The following SMYD3 variants were observed in gnomAD, a reference collection of about 807,000 sequenced individuals.
SMYD3 encodes the protein histone-lysine N-methyltransferase SMYD3.
SMYD3 carries 36 observed loss-of-function variants against 57.7 expected under a neutral mutation model. That is an observed-to-expected ratio of 0.62 (90% CI 0.48 to 0.82). SMYD3 has a LOEUF of 0.82. Ranked by LOEUF, SMYD3 falls within the 40% of genes least tolerant of loss-of-function variation. The probability of loss-of-function intolerance (pLI) is 0.00; values close to 1 mark genes in which losing one functional copy is unlikely to be tolerated. For missense variants in SMYD3, 515 were observed against 538.8 expected (o/e 0.96, Z 0.44); for synonymous variants, 211 against 195.0 (o/e 1.08, Z -0.68).
At chr1:246,174,587 C>T (rs1207161946) in intron 5 of SMYD3, among the ~76,000 whole-genome samples, 1 of 152,202 alleles carries the variant, frequency 6.6e-6, no homozygotes, top group Admixed American at 6.5e-5. Flanking sequence ...GCTGGGACTA[C>T]AGGCACATGC....
chr1:246,086,299 C>T lies in SMYD3; in HGVS notation c.532-156362G>A, dbSNP rs375248318. On this transcript the variant is annotated intron_variant, in intron 5 of 11. Transcript: ENST00000490107. ...CGAAGCTAACGCACTGTTTCACCTG[C>T]TTCAAGTGAATCTTTCTGTGATAAA... Among the ~76,000 whole-genome samples, 85 of 99,738 alleles carry T rather than the reference C, an allele frequency of 8.5e-4. 2 individuals carry two copies. The highest frequency in any genetic ancestry group is 3.0e-3 in the African/African-American group (75 of 25,296). 65.4% of individuals were successfully genotyped at this position (99,738 alleles called of 152,430 possible). A position where few individuals can be genotyped will look rare whatever the true frequency, so the allele number is the denominator to read the frequency against.
At chr1:246,339,163 T>C (rs920414417) in intron 2 of SMYD3, among the ~76,000 whole-genome samples, 7 of 152,156 alleles carry the variant, frequency 4.6e-5, no homozygotes, top group African/African-American at 1.7e-4. Flanking sequence ...ATTACTCAAT[T>C]AAAGCCATAT....
At chr1:245,827,148 G>A (rs1435637719) in intron 10 of SMYD3, among the ~76,000 whole-genome samples, 4 of 152,208 alleles carry the variant, frequency 2.6e-5, no homozygotes, top group Non-Finnish European at 5.9e-5. Flanking sequence ...CTGTAGATGA[G>A]AAAGTTGAGG....
chr1:246,394,264 T>C (rs960227), intron 1 of SMYD3, among the ~76,000 whole-genome samples: 58,632 of 152,092 alleles, frequency 0.39, 11,574 homozygotes, highest in East Asian at 0.49. Flanking sequence ...GGAATGTAAG[T>C]ATTCATTTCC....
chr1:246,275,789 G>A (rs1223976445), intron 5 of SMYD3, among the ~76,000 whole-genome samples: 37 of 144,306 alleles, frequency 2.6e-4, no homozygotes, highest in African/African-American at 8.7e-4. Flanking sequence ...TTCACTAGCC[G>A]TATTAACACT....
intron 10 of SMYD3, among the ~76,000 whole-genome samples, chr1:245,847,960 C>A (rs1198086635): frequency 3.3e-5 from 5 of 152,112 alleles, no homozygotes; most frequent in Non-Finnish European, 5.9e-5. Flanking sequence ...GGTGACCTAG[C>A]CCCATACATA....
chr1:246,448,142 G>A (rs558852942), intron 1 of SMYD3, among the ~76,000 whole-genome samples: 11 of 152,244 alleles, frequency 7.2e-5, no homozygotes, highest in South Asian at 4.1e-4. Flanking sequence ...GCTTGAACCC[G>A]GAAGGCAGAG....
chr1:246,469,584 T>TCAGTGAC (rs2067930737), intron 1 of SMYD3, among the ~76,000 whole-genome samples: 1 of 151,788 alleles, frequency 6.6e-6, no homozygotes, highest in South Asian at 2.1e-4. Context: ...ATAAGAACAA[T>TCAGTGAC]AATGGAACAA....
At chr1:246,150,013 G>T (rs1203776894) in intron 5 of SMYD3, among the ~76,000 whole-genome samples, 1 of 152,130 alleles carries the variant, frequency 6.6e-6, no homozygotes, top group Non-Finnish European at 1.5e-5. Flanking sequence ...CTGTTCTTTT[G>T]CATCCGCAGC....
At chr1:245,793,243 A>G (rs1456113360) in intron 10 of SMYD3, among the ~76,000 whole-genome samples, 1 of 151,908 alleles carries the variant, frequency 6.6e-6, no homozygotes, top group South Asian at 2.1e-4. Flanking sequence ...CAGGAGACGG[A>G]GCTTGAAGTG....
At chr1:246,433,023 T>C (rs1314697970) in intron 1 of SMYD3, among the ~76,000 whole-genome samples, 3 of 152,110 alleles carry the variant, frequency 2.0e-5, no homozygotes, top group Non-Finnish European at 2.9e-5. Flanking sequence ...GGAAAAGAAG[T>C]CAAACTCTCT....
intron 5 of SMYD3, among the ~76,000 whole-genome samples, chr1:245,935,357 A>T (rs2056939158): frequency 6.6e-6 from 1 of 152,186 alleles, no homozygotes; most frequent in Non-Finnish European, 1.5e-5. Flanking sequence ...ATAAAATCAC[A>T]ATGAGGTATC....
At chr1:246,466,014 C>T (rs556794578) in intron 1 of SMYD3, among the ~76,000 whole-genome samples, 1 of 152,314 alleles carries the variant, frequency 6.6e-6, no homozygotes, top group South Asian at 2.1e-4. Flanking sequence ...TCGTGTGATC[C>T]ACCTGCCTTG....
chr1:246,194,913 C>T (rs984175181), intron 5 of SMYD3, among the ~76,000 whole-genome samples: 12 of 152,160 alleles, frequency 7.9e-5, no homozygotes, highest in African/African-American at 2.7e-4. Flanking sequence ...AAGATTAATT[C>T]GCTCACACTA....
At chr1:245,933,054 CT>C (rs1162579232) in intron 5 of SMYD3, among the ~76,000 whole-genome samples, 3 of 151,822 alleles carry the variant, frequency 2.0e-5, no homozygotes, top group Non-Finnish European at 4.4e-5. Flanking sequence ...AGCTCTCTGG[CT>C]TTTTTTTAGT....
intron 5 of SMYD3, among the ~76,000 whole-genome samples, chr1:246,006,735 C>T (rs2059176952): frequency 6.6e-6 from 1 of 152,080 alleles, no homozygotes; most frequent in Non-Finnish European, 1.5e-5. Context: ...ACACACACCA[C>T]AGGGAGGTGA....
intron 1 of SMYD3, among the ~76,000 whole-genome samples, chr1:246,364,858 T>A (rs1168807005): frequency 1.3e-5 from 2 of 152,106 alleles, no homozygotes; most frequent in East Asian, 3.9e-4. Context: ...CATTCTTCAG[T>A]GAAACTGGAT....
At chr1:246,235,228 A>C (rs1016819397) in intron 5 of SMYD3, among the ~76,000 whole-genome samples, 1 of 152,216 alleles carries the variant, frequency 6.6e-6, no homozygotes, top group East Asian at 1.9e-4. Flanking sequence ...CTGTAACTGG[A>C]AAGTGTCATA....
At chr1:246,198,158 G>A (rs1486975059) in intron 5 of SMYD3, among the ~76,000 whole-genome samples, 1 of 152,178 alleles carries the variant, frequency 6.6e-6, no homozygotes, top group Non-Finnish European at 1.5e-5. Flanking sequence ...GGCCCAATCA[G>A]CCCAAAGCTT....
Sources: gnomAD v4.1 joint callset for allele counts (sites outside exome capture counted in the v4.1 genomes callset) on GRCh38, gnomAD v4.1.1 for gene constraint, MANE v1.5 for transcripts, NCBI Gene and HGNC (gene_info 2026-07-23, HGNC 2026-07-21) for gene names.